GABRB1: variants seen among roughly 807,000 people sequenced by gnomAD.
GABRB1 encodes the protein gamma-aminobutyric acid type A receptor subunit beta1, also known as gamma-aminobutyric acid receptor subunit beta-1.
In GABRB1, 17 loss-of-function variants were observed where a neutral mutation model predicts 51.6. The observed-to-expected ratio is 0.33, with a 90% confidence interval of 0.23 to 0.49. GABRB1 has a LOEUF of 0.49. Among genes scored for constraint, GABRB1 ranks in the 20% least tolerant of loss-of-function variants. The pLI, the probability that GABRB1 is intolerant of heterozygous loss-of-function variation, is 0.99. For missense variants in GABRB1, 410 were observed against 600.6 expected, an observed-to-expected ratio of 0.68 and a Z score of 3.32; for synonymous variants, 247 against 218.9, an observed-to-expected ratio of 1.13 and a Z score of -1.14.
intron 4 of GABRB1, among the ~76,000 whole-genome samples, chr4:47,207,520 T>C (rs1264361351): frequency 6.6e-6 from 1 of 152,080 alleles, no homozygotes; most frequent in East Asian, 1.9e-4. Flanking sequence ...GTTCTCGTAC[T>C]CTTAACCCTT....
intron 3 of GABRB1, among the ~76,000 whole-genome samples, chr4:47,138,296 G>T (rs535948560): frequency 2.0e-5 from 3 of 152,094 alleles, no homozygotes; most frequent in Middle Eastern, 3.4e-3. Flanking sequence ...GGCTTTTATC[G>T]ATTTGTATCA....
chr4:47,008,325 G>T (rs1406497921), intron 1 of GABRB1, among the ~76,000 whole-genome samples: 2 of 151,858 alleles, frequency 1.3e-5, no homozygotes, highest in African/African-American at 4.8e-5. Context: ...AATGATAAAT[G>T]GTAAATAAGA....
At chr4:47,240,620 A>T (rs1018986307) in intron 4 of GABRB1, among the ~76,000 whole-genome samples, 15 of 152,244 alleles carry the variant, frequency 9.9e-5, no homozygotes, top group African/African-American at 3.4e-4. Flanking sequence ...AGCTGAATCC[A>T]GAACCACAAA....
chr4:47,072,149 A>C (rs1727365679), intron 3 of GABRB1, among the ~76,000 whole-genome samples: 1 of 152,146 alleles, frequency 6.6e-6, no homozygotes. Context: ...ATTTCTTTTT[A>C]AGTTGTGCCC....
intron 3 of GABRB1, among the ~76,000 whole-genome samples, chr4:47,108,751 G>A (rs757255403): frequency 2.0e-5 from 3 of 151,972 alleles, no homozygotes; most frequent in Non-Finnish European, 4.4e-5. Context: ...CTGCATCCTA[G>A]GTGTTACCTT....
At chr4:47,255,860 G>T (rs577553223) in intron 4 of GABRB1, among the ~76,000 whole-genome samples, 14 of 152,222 alleles carry the variant, frequency 9.2e-5, no homozygotes, top group Non-Finnish European at 1.8e-4. Flanking sequence ...TGCACTGGGG[G>T]ACTACAGGGA....
At chr4:47,307,301 C>G (rs1365573730) in intron 4 of GABRB1, among the ~76,000 whole-genome samples, 2 of 151,956 alleles carry the variant, frequency 1.3e-5, no homozygotes, top group Admixed American at 6.6e-5. Flanking sequence ...GAAAATAAAA[C>G]TAATTTTGTT....
chr4:47,114,847 A>G (rs1715395998), intron 3 of GABRB1, among the ~76,000 whole-genome samples: 1 of 152,180 alleles, frequency 6.6e-6, no homozygotes, highest in Non-Finnish European at 1.5e-5. Flanking sequence ...AAACATGGCT[A>G]CTATCTAAGC....
intron 4 of GABRB1, among the ~76,000 whole-genome samples, chr4:47,193,525 C>T (rs1304659029): frequency 6.6e-6 from 1 of 152,176 alleles, no homozygotes; most frequent in Admixed American, 6.5e-5. Flanking sequence ...GTCTCAATTT[C>T]CTCATTTGTA....
intron 3 of GABRB1, among the ~76,000 whole-genome samples, chr4:47,049,098 G>GTT (rs1726231889): frequency 6.6e-6 from 1 of 151,436 alleles, no homozygotes; most frequent in South Asian, 2.1e-4. Context: ...AGAGGAGGGA[G>GTT]TTTTTCGGTG....
chr4:47,102,119 G>A (rs1413572191), intron 3 of GABRB1, among the ~76,000 whole-genome samples: 1 of 152,058 alleles, frequency 6.6e-6, no homozygotes, highest in Non-Finnish European at 1.5e-5. Context: ...ACTTGGCTGT[G>A]AAGGTACAGG....
intron 4 of GABRB1, among the ~76,000 whole-genome samples, chr4:47,239,403 AT>A: frequency 6.6e-6 from 1 of 152,194 alleles, no homozygotes; most frequent in South Asian, 2.1e-4. Flanking sequence ...GGTTTTGGTA[AT>A]TATAAATAAA....
intron 5 of GABRB1, among the ~76,000 whole-genome samples, chr4:47,369,187 TC>T (rs1425822934): frequency 6.6e-6 from 1 of 152,142 alleles, no homozygotes; most frequent in Non-Finnish European, 1.5e-5. Context: ...TTAAATTTGT[TC>T]CCAATACTAA....
chr4:47,283,464 C>A (rs1342397654), intron 4 of GABRB1, among the ~76,000 whole-genome samples: 1 of 144,746 alleles, frequency 6.9e-6, no homozygotes, highest in African/African-American at 2.5e-5. Flanking sequence ...CGGCTCACTG[C>A]AAGCTCCGCC....
At chr4:47,098,151 A>AACACAC (rs59294163) in intron 3 of GABRB1, among the ~76,000 whole-genome samples, 111 of 148,332 alleles carry the variant, frequency 7.5e-4, no homozygotes, top group Middle Eastern at 3.4e-3. Context: ...TTTTAGTACA[A>AACACAC]ACACACACAC....
intron 4 of GABRB1, among the ~76,000 whole-genome samples, chr4:47,195,039 T>G (rs570356779): frequency 6.6e-6 from 1 of 152,232 alleles, no homozygotes; most frequent in Admixed American, 6.5e-5. Context: ...TCACCATGGG[T>G]AAGCAGAGGT....
chr4:47,233,363 T>C (rs527257243), intron 4 of GABRB1, among the ~76,000 whole-genome samples: 7 of 152,208 alleles, frequency 4.6e-5, no homozygotes, highest in Non-Finnish European at 1.0e-4. Context: ...TTCTAACTTC[T>C]GCATTTAACA....
intron 5 of GABRB1, among the ~76,000 whole-genome samples, chr4:47,327,355 C>T (rs1725298283): frequency 6.7e-6 from 1 of 148,736 alleles, no homozygotes; most frequent in South Asian, 2.1e-4. Context: ...AGTAGGATCT[C>T]TTAAAAGAAA....
chr4:47,423,952 C>T (rs1470110065), intron 8 of GABRB1, among the ~76,000 whole-genome samples: 1 of 151,990 alleles, frequency 6.6e-6, no homozygotes, highest in Non-Finnish European at 1.5e-5. Context: ...TTAACAACAA[C>T]AACAAGATAA....
Sources: gnomAD v4.1 joint callset for allele counts (sites outside exome capture counted in the v4.1 genomes callset) on GRCh38, gnomAD v4.1.1 for gene constraint, MANE v1.5 for transcripts, NCBI Gene and HGNC (gene_info 2026-07-23, HGNC 2026-07-21) for gene names.